The following HM13 variants were observed in gnomAD, a reference collection of about 807,000 sequenced individuals.
HM13 encodes the protein histocompatibility minor 13.
In HM13, 18 loss-of-function variants were observed where a neutral mutation model predicts 50.0. That is an observed-to-expected ratio of 0.36 (90% CI 0.25 to 0.53). HM13 has a LOEUF of 0.53. Ranked by LOEUF, HM13 falls within the 20% of genes least tolerant of loss-of-function variation. HM13 has a pLI of 0.90. For missense variants in HM13, 393 were observed against 552.4 expected (o/e 0.71, Z 2.89); for synonymous variants, 197 against 232.6 (o/e 0.85, Z 1.39).
In HM13 at chr20:31,550,103, T is replaced by C; in HGVS notation, c.706T>C (p.Phe236Leu). ...TNVMVTVAKS[F>L]EAPIKLVFPQ... ...TGTGATGGTGACAGTGGCCAAGTCC[T>C]TCGAGGCACCAATAAAATGTAAGTG... Residue 236 changes from phenylalanine (F) to leucine (L), a missense_variant, in exon 7 of 13, where the codon TTC (phenylalanine) becomes CTC (leucine). By Grantham distance (22) the Phe-to-Leu change is conservative. Around this residue, in one of 3 missense-constraint regions of HM13, gnomAD observed 74 missense variants for 160.4 expected, o/e 0.46. Coordinates refer to ENST00000398174, the MANE Select transcript of HM13 (RefSeq NM_178581.3). 1 of 1,613,954 alleles carries C rather than the reference T, an allele frequency of 6.2e-7. No individual in the cohort carries two copies.
Position 31,545,014 on chromosome 20 carries a change from G to C in HM13, c.433G>C (p.Gly145Arg). The C allele has an allele frequency of 3.1e-6, 5 of 1,614,188 alleles. No individual in the cohort carries two copies. The highest frequency in any genetic ancestry group is 4.2e-6 in the Non-Finnish European group (5 of 1,180,010). The change falls in exon 4 of 13, where the codon GGT becomes CGT. Residue 145 changes from glycine to arginine, a missense_variant. This residue lies in a region of HM13 where 214 missense variants were observed against 276.1 expected (regional missense o/e 0.77). Coordinates refer to ENST00000398174, the MANE Select transcript of HM13 (RefSeq NM_178581.3). Reference protein sequence around the residue: ...NRQYQLLFTQGSGENKEEIIN... With the variant: ...NRQYQLLFTQRSGENKEEIIN... ...ACAGTACCAGCTGCTCTTCACACAG[G>C]GTTCTGGGGAAAACAAGGAAGGTCA...
intron 7 of HM13, among the ~76,000 whole-genome samples, chr20:31,553,221 G>A (rs1023602434): frequency 2.9e-4 from 44 of 151,420 alleles, no homozygotes; most frequent in Admixed American, 7.9e-4. Flanking sequence ...ACTTGAACCC[G>A]GGAGGCAGAG....
intron 1 of HM13, among the ~76,000 whole-genome samples, chr20:31,520,001 G>A (rs769020168): frequency 6.6e-6 from 1 of 151,572 alleles, no homozygotes; most frequent in Non-Finnish European, 1.5e-5. Context: ...GATTACAGGC[G>A]CGCACCCACC....
intron 12 of HM13, 104 bp downstream of exon 12, chr20:31,568,328 A>G (rs1294546709): frequency 1.5e-5 from 22 of 1,429,340 alleles, no homozygotes; most frequent in Non-Finnish European, 2.0e-5. Context: ...GACCATTGCC[A>G]GGAGTAGGCC....
chr20:31,539,802 A>AG (rs1568788218), intron 3 of HM13: 1 of 152,146 alleles, frequency 6.6e-6, no homozygotes, highest in African/African-American at 2.4e-5. Flanking sequence ...TCAAAAAAAA[A>AG]AAAAAAGCCA....
At chr20:31,566,667 G>A (rs1348696302) in intron 11 of HM13, among the ~76,000 whole-genome samples, 2 of 152,004 alleles carry the variant, frequency 1.3e-5, no homozygotes, top group African/African-American at 4.8e-5. Context: ...TTTCACATGT[G>A]AGTAATAGAA....
At chr20:31,561,884 C>T (rs1165878339) in intron 10 of HM13, 148 bp downstream of exon 10, 3 of 673,890 alleles carry the variant, frequency 4.5e-6, no homozygotes, top group Non-Finnish European at 8.0e-6. Flanking sequence ...CTTGGCCTTC[C>T]ATTTGTGGTT....
In HM13 at chr20:31,561,558, G is replaced by T. The variant is rs981287414; in HGVS notation, c.846-76G>T. 3 of 1,024,614 alleles carry T rather than the reference G, an allele frequency of 2.9e-6. No individual in the cohort carries two copies. The African/African-American group carries it at 4.7e-5, about 16-fold the overall frequency. 63.5% of individuals were successfully genotyped at this position (1,024,614 alleles called of 1,614,324 possible). A position where few individuals can be genotyped will look rare whatever the true frequency, so the allele number is the denominator to read the frequency against. On this transcript the variant is annotated intron_variant, in intron 9 of 12. Transcript: ENST00000398174. The stretch of plus-strand genomic sequence containing the variant: ...CCCACAACCTCTAGGGTCTTCCCCA[G>T]CTCCCTCAGAAGGGGTATTACTAGT...
In HM13 at chr20:31,520,012, A is replaced by T. The variant is rs140788404; in HGVS notation, c.183+5278A>T. 3.6e-4 allele frequency among the ~76,000 whole-genome samples: 54 copies of T among 151,844 alleles called. No homozygotes were observed. The East Asian group carries it at 9.9e-3, about 28-fold the overall frequency. On this transcript the variant is annotated intron_variant, in intron 1 of 12. Coordinates refer to ENST00000398174, the MANE Select transcript of HM13 (RefSeq NM_178581.3). Reference sequence around the variant, plus strand: ...ACAGGATTACAGGCGCGCACCCACCACACCTGGCTAATTTTTATGTTTTTC... The same window carrying T: ...ACAGGATTACAGGCGCGCACCCACCTCACCTGGCTAATTTTTATGTTTTTC...
In HM13 at chr20:31,529,257, T is replaced by G. The variant is rs1231227939; in HGVS notation, c.282+1675T>G. ...GGCCCTTGTTTTGTTTGTTTTGTTT[T>G]GTTTTTGAGACAAGGTCTTGCTCTG... On this transcript the variant is annotated intron_variant, in intron 2 of 12. Coordinates refer to ENST00000398174, the MANE Select transcript of HM13 (RefSeq NM_178581.3). Among the ~76,000 whole-genome samples, 3 of 152,004 alleles carry G rather than the reference T, an allele frequency of 2.0e-5. No homozygotes were observed. The East Asian group carries it at 5.8e-4, about 29-fold the overall frequency.
chr20:31,534,303 G>C (rs1210747887), intron 2 of HM13, among the ~76,000 whole-genome samples: 1 of 151,630 alleles, frequency 6.6e-6, no homozygotes, highest in Non-Finnish European at 1.5e-5. Flanking sequence ...TGCCACACAG[G>C]GGGCCATATG....
chr20:31,518,732 C>T (rs1455289739), intron 1 of HM13, among the ~76,000 whole-genome samples: 1 of 152,024 alleles, frequency 6.6e-6, no homozygotes, highest in Non-Finnish European at 1.5e-5. Flanking sequence ...ATGGCATGCA[C>T]CTGTAGTCCT....
chr20:31,555,576 G>A (rs1296940566), intron 8 of HM13, among the ~76,000 whole-genome samples: 1 of 152,136 alleles, frequency 6.6e-6, no homozygotes, highest in Non-Finnish European at 1.5e-5. Flanking sequence ...GCTGAGGCTC[G>A]GGTGTGTCTG....
chr20:31,548,725 C>T (rs996947258), intron 4 of HM13: 8 of 426,632 alleles, frequency 1.9e-5, no homozygotes, highest in Non-Finnish European at 3.0e-5. Context: ...CAAGGTCACC[C>T]AGCTACAAGT....
intron 7 of HM13, among the ~76,000 whole-genome samples, chr20:31,552,569 C>T (rs1984088597): frequency 6.6e-6 from 1 of 152,204 alleles, no homozygotes; most frequent in Non-Finnish European, 1.5e-5. Flanking sequence ...GACTAGTGCT[C>T]AGTGGCAGAA....
intron 8 of HM13, among the ~76,000 whole-genome samples, chr20:31,556,093 G>A (rs898700201): frequency 4.1e-5 from 6 of 148,072 alleles, no homozygotes; most frequent in Non-Finnish European, 7.4e-5. Flanking sequence ...GTGCAATAAC[G>A]CGATCTCGGC....
intron 7 of HM13, among the ~76,000 whole-genome samples, chr20:31,552,588 C>G (rs1984088735): frequency 6.6e-6 from 1 of 152,212 alleles, no homozygotes; most frequent in South Asian, 2.1e-4. Context: ...AAAGGCAGAA[C>G]AGTGAAGTGC....
In HM13 at chr20:31,527,543, C is replaced by CGCCA; in HGVS notation, c.246_249dup (p.Cys84GlnfsTer45). The CGCCA allele has an allele frequency of 6.2e-7, 1 of 1,614,084 alleles. No homozygotes were observed. The highest frequency in any genetic ancestry group is 8.5e-7 in the Non-Finnish European group (1 of 1,179,948). ...GGGATGCCGCCCGCTTCCCCATCATCGCCAGCTGCACACTCTTGGGGCTCT... is the reference window on the plus strand; with the variant it reads ...GGGATGCCGCCCGCTTCCCCATCATCGCCAGCCAGCTGCACACTCTTGGGGCTCT... On this transcript the variant is annotated frameshift_variant, in exon 2 of 13. Transcript: ENST00000398174. LOFTEE classifies it high-confidence loss of function.
At chr20:31,568,747 C>G (rs1277659133) in intron 12 of HM13, among the ~76,000 whole-genome samples, 3 of 152,212 alleles carry the variant, frequency 2.0e-5, no homozygotes, top group Admixed American at 6.5e-5. Context: ...ATGCTGTGTG[C>G]CCTGGGAGGC....
Sources: gnomAD v4.1 joint callset for allele counts (sites outside exome capture counted in the v4.1 genomes callset) on GRCh38, gnomAD v4.1.1 for gene constraint, gnomAD v4.1.1 regional missense constraint, MANE v1.5 for transcripts, NCBI Gene and HGNC (gene_info 2026-07-23, HGNC 2026-07-21) for gene names.